Variants in SCAMP1 observed in about 807,000 individuals in gnomAD.
SCAMP1 encodes secretory carrier-associated membrane protein 1.
A neutral mutation model predicts 41.8 loss-of-function variants in SCAMP1; 15 were observed. That is an observed-to-expected ratio of 0.36 (90% CI 0.24 to 0.55). The LOEUF (loss-of-function observed/expected upper bound fraction) is 0.55. SCAMP1 is among the 20% of genes least tolerant of loss of function. The pLI, the probability that SCAMP1 is intolerant of heterozygous loss-of-function variation, is 0.86. For missense variants in SCAMP1, 341 were observed against 412.6 expected, an observed-to-expected ratio of 0.83 and a Z score of 1.50; for synonymous variants, 135 against 136.8, an observed-to-expected ratio of 0.99 and a Z score of 0.09.
At chr5:78,369,700 C>T (rs940617878) in intron 1 of SCAMP1, among the ~76,000 whole-genome samples, 1 of 152,170 alleles carries the variant, frequency 6.6e-6, no homozygotes, top group Admixed American at 6.5e-5. Context: ...TACAGTGAAA[C>T]TAGGTATTCC....
At chr5:78,433,088 C>T (rs1188193408) in intron 6 of SCAMP1, among the ~76,000 whole-genome samples, 1 of 152,080 alleles carries the variant, frequency 6.6e-6, no homozygotes, top group Non-Finnish European at 1.5e-5. Context: ...TGGTAATTTC[C>T]TATATCTTAT....
chr5:78,404,578 C>G (rs1319262180), intron 2 of SCAMP1, among the ~76,000 whole-genome samples: 1 of 151,422 alleles, frequency 6.6e-6, no homozygotes, highest in East Asian at 1.9e-4. Flanking sequence ...GTGATTAGGT[C>G]TCAGTCTTTT....
At chr5:78,475,206 C>A (rs1482867214) in intron 8 of SCAMP1, among the ~76,000 whole-genome samples, 1 of 152,092 alleles carries the variant, frequency 6.6e-6, no homozygotes, top group Non-Finnish European at 1.5e-5. Context: ...AATAATTTCA[C>A]TTGACTAATT....
chr5:78,427,537 A>C (rs1336677847), intron 6 of SCAMP1, among the ~76,000 whole-genome samples: 2 of 152,204 alleles, frequency 1.3e-5, no homozygotes, highest in African/African-American at 4.8e-5. Flanking sequence ...AAGAGTTACC[A>C]TAACAATATT....
At chr5:78,399,402 T>A (rs1047846674) in intron 2 of SCAMP1, among the ~76,000 whole-genome samples, 1 of 152,214 alleles carries the variant, frequency 6.6e-6, no homozygotes, top group Non-Finnish European at 1.5e-5. Flanking sequence ...CCAAACTATC[T>A]TTCAAAGTCT....
intron 2 of SCAMP1, among the ~76,000 whole-genome samples, chr5:78,409,686 C>T (rs1752022711): frequency 6.6e-6 from 1 of 152,154 alleles, no homozygotes; most frequent in South Asian, 2.1e-4. Context: ...AGATTTGTGG[C>T]TCTCCAACAT....
At chr5:78,406,508 C>T (rs1479436657) in intron 2 of SCAMP1, among the ~76,000 whole-genome samples, 2 of 152,094 alleles carry the variant, frequency 1.3e-5, no homozygotes, top group Non-Finnish European at 2.9e-5. Flanking sequence ...CATGAACTTC[C>T]TGTGCCTTGA....
intron 8 of SCAMP1, among the ~76,000 whole-genome samples, chr5:78,460,799 TCCTTCCTCC>T (rs1172418745): frequency 0.018 from 797 of 45,002 alleles, 111 homozygotes; most frequent in African/African-American, 0.068. Context: ...CTTCCTTCCT[TCCTTCCTCC>T]CTTCCTTCCT....
chr5:78,417,197 G>A (rs1164127515), intron 4 of SCAMP1, among the ~76,000 whole-genome samples: 1 of 152,208 alleles, frequency 6.6e-6, no homozygotes, highest in Non-Finnish European at 1.5e-5. Context: ...CTTAGGGAAA[G>A]CTAGCAGTCT....
intron 1 of SCAMP1, among the ~76,000 whole-genome samples, chr5:78,386,196 C>T (rs111890661): frequency 6.6e-6 from 1 of 152,148 alleles, no homozygotes; most frequent in Non-Finnish European, 1.5e-5. Context: ...TTCCTTTTAT[C>T]ATCATATGAT....
chr5:78,474,221 G>A (rs1397094974), intron 8 of SCAMP1, among the ~76,000 whole-genome samples: 9 of 152,126 alleles, frequency 5.9e-5, no homozygotes, highest in Middle Eastern at 3.4e-3. Context: ...AATCACCCCC[G>A]AAAAGGCCTG....
chr5:78,414,328 G>A (rs1752155988), intron 2 of SCAMP1, among the ~76,000 whole-genome samples: 1 of 151,650 alleles, frequency 6.6e-6, no homozygotes, highest in Non-Finnish European at 1.5e-5. Context: ...TGTCTCCCAG[G>A]CTGGAGTGCA....
chr5:78,404,041 A>G (rs566250562), intron 2 of SCAMP1, among the ~76,000 whole-genome samples: 11 of 145,480 alleles, frequency 7.6e-5, no homozygotes, highest in Admixed American at 1.4e-4. Flanking sequence ...GCTTGAGCTC[A>G]GGAGTTTGAG....
chr5:78,441,550 A>G (rs1752925142), intron 6 of SCAMP1, among the ~76,000 whole-genome samples: 1 of 152,260 alleles, frequency 6.6e-6, no homozygotes, highest in South Asian at 2.1e-4. Context: ...ACGCTGGCCC[A>G]TGCCTGTAAT....
intron 1 of SCAMP1, among the ~76,000 whole-genome samples, chr5:78,362,210 G>A (rs1186421671): frequency 1.3e-5 from 2 of 152,126 alleles, no homozygotes; most frequent in East Asian, 3.8e-4. Flanking sequence ...TTAAATGGGT[G>A]TTATTTTAAA....
chr5:78,453,666 C>A (rs963136038), intron 7 of SCAMP1, among the ~76,000 whole-genome samples: 1 of 152,104 alleles, frequency 6.6e-6, no homozygotes, highest in African/African-American at 2.4e-5. Context: ...CTTGGCGATG[C>A]GGGCTCTTTT....
intron 6 of SCAMP1, among the ~76,000 whole-genome samples, chr5:78,423,641 T>C (rs1289808108): frequency 6.6e-6 from 1 of 151,894 alleles, no homozygotes; most frequent in Non-Finnish European, 1.5e-5. Context: ...AAAGCCAGCT[T>C]TGTGCCTTTT....
chr5:78,363,077 A>G (rs1483212625), intron 1 of SCAMP1, among the ~76,000 whole-genome samples: 5 of 151,534 alleles, frequency 3.3e-5, no homozygotes, highest in Admixed American at 6.6e-5. Flanking sequence ...TATTTTTAGT[A>G]GAGACAGGGT....
At chr5:78,437,189 T>C (rs886512801) in intron 6 of SCAMP1, among the ~76,000 whole-genome samples, 2 of 152,234 alleles carry the variant, frequency 1.3e-5, no homozygotes, top group African/African-American at 4.8e-5. Context: ...CTTTTCCTAA[T>C]TGAATACCCG....
Sources: allele counts gnomAD v4.1 joint callset (sites outside exome capture counted in the v4.1 genomes callset), GRCh38; gene constraint gnomAD v4.1.1; transcripts MANE v1.5; gene names NCBI Gene and HGNC (gene_info 2026-07-23, HGNC 2026-07-21).